The following TMEM68 variants were observed in gnomAD, a reference collection of about 807,000 sequenced individuals.
TMEM68 encodes the protein transmembrane protein 68, also known as DGAT1/2-independent enzyme synthesizing storage lipids.
TMEM68 carries 25 observed loss-of-function variants against 36.9 expected under a neutral mutation model. The ratio of observed to expected loss-of-function variants is 0.68; its 90% CI spans 0.49 to 0.95. TMEM68 has a LOEUF of 0.95. Ranked by LOEUF, TMEM68 falls within the 40% of genes least tolerant of loss-of-function variation. TMEM68 has a pLI of 0.00. For synonymous variants in TMEM68, 131 were observed against 124.4 expected, an observed-to-expected ratio of 1.05 and a Z score of -0.35; for missense variants, 333 against 392.0, an observed-to-expected ratio of 0.85 and a Z score of 1.27.
rs1460050393 is a variant in TMEM68 at position 55,772,143 on chromosome 8, C to G, written c.-115+1126G>C. Among the ~76,000 whole-genome samples, 3 of 152,162 alleles carry G rather than the reference C, an allele frequency of 2.0e-5. No individual in the cohort carries two copies. In the East Asian group the frequency reaches 5.8e-4, roughly 29 times the overall value. Reference sequence around the variant, plus strand: ...ACCTTCTTGAACCAACAAAATCAGCCTATCTCCGACCTCAAAGTAGGGCAG... The same window carrying G: ...ACCTTCTTGAACCAACAAAATCAGCGTATCTCCGACCTCAAAGTAGGGCAG... On this transcript the variant is annotated intron_variant, in intron 1 of 7. Transcript: ENST00000434581.
Position 55,751,005 on chromosome 8 carries a change from G to C in TMEM68, c.646C>G (p.His216Asp). Residue 216 changes from histidine (H) to aspartate (D), a missense_variant, in exon 5 of 8, where the codon CAT becomes GAT. Physicochemically the swap from His to Asp is moderately conservative, Grantham distance 81. Coordinates refer to ENST00000434581, the MANE Select transcript of TMEM68 (RefSeq NM_001286657.2). ...GCAACCTGAGCAAAGCCTCTGCGAT[G>C]ACCCCATACGATGTTATAAGTTTCA... ...SDETYNIVWG[H>D]RRGFAQVAID... 1 of 1,613,152 alleles carries C rather than the reference G, an allele frequency of 6.2e-7. No individual in the cohort carries two copies. The highest frequency in any genetic ancestry group is 1.3e-5 in the African/African-American group (1 of 74,942).
At chr8:55,772,539 T>A (rs1185420676) in intron 1 of TMEM68, among the ~76,000 whole-genome samples, 2 of 152,202 alleles carry the variant, frequency 1.3e-5, no homozygotes, top group East Asian at 3.8e-4. Flanking sequence ...AGACCTGTTT[T>A]ACAGGCTGCA....
intron 4 of TMEM68, among the ~76,000 whole-genome samples, chr8:55,755,274 T>C (rs1810568580): frequency 6.6e-6 from 1 of 151,694 alleles, no homozygotes; most frequent in South Asian, 2.1e-4. Flanking sequence ...ATATATCTTT[T>C]TTTTTTTTTT....
At position 55,739,717 on chromosome 8, in the gene TMEM68, A is replaced by C. The variant is rs1810040213; in HGVS notation, c.*415T>G. On this transcript the variant is annotated 3_prime_UTR_variant, in exon 8 of 8. Coordinates refer to ENST00000434581, the MANE Select transcript of TMEM68 (RefSeq NM_001286657.2). ...GTCATGAAGGGAATGAGGGGCAGAC[A>C]ACAGCATGTTTTTTCTAACTTAAAC... 1 of 155,176 alleles carries C rather than the reference A, an allele frequency of 6.4e-6. No individual in the cohort carries two copies. The highest frequency in any genetic ancestry group is 1.4e-5 in the Non-Finnish European group (1 of 70,144). The allele number at this position is 155,176 out of a possible 1,614,324, so 9.6% of individuals were successfully genotyped here.
At chr8:55,766,408 G>A (rs1229411101) in intron 1 of TMEM68, among the ~76,000 whole-genome samples, 1 of 145,224 alleles carries the variant, frequency 6.9e-6, no homozygotes, top group Non-Finnish European at 1.5e-5. Flanking sequence ...ATGGAGTCTG[G>A]CTCTGTTGCC....
chr8:55,761,169 A>G (rs1226246352), intron 3 of TMEM68: 2 of 152,250 alleles, frequency 1.3e-5, no homozygotes, highest in African/African-American at 4.8e-5. Context: ...CTCTTAGAGC[A>G]GATGTGATCA....
intron 1 of TMEM68, among the ~76,000 whole-genome samples, chr8:55,770,462 T>C (rs1811118488): frequency 6.6e-6 from 1 of 152,112 alleles, no homozygotes; most frequent in South Asian, 2.1e-4. Context: ...ACTGCTTGAG[T>C]TCAGGAGTTT....
At position 55,756,378 on chromosome 8, in the gene TMEM68, T is replaced by C; in HGVS notation, c.359A>G (p.Glu120Gly). Residue 120 changes from glutamate to glycine, a missense_variant, in exon 4 of 8, where the codon GAA (glutamate) becomes GGA (glycine). By Grantham distance (98) the Glu-to-Gly change is moderately conservative (BLOSUM62 -2). Transcript: ENST00000434581. ...YEVHGMEKIP[E>G]DGPALIIFYH... ...AAAAATTATAAGTGCTGGTCCATCT[T>C]CTGGTATTTTTTCCATTCCATGAAC... 5.0e-6 allele frequency: 8 copies of C among 1,586,448 alleles called. No individual in the cohort carries two copies. The highest frequency in any genetic ancestry group is 6.8e-6 in the Non-Finnish European group (8 of 1,171,722).
At chr8:55,746,289 A>G (rs979162744) in intron 5 of TMEM68, 1 of 130,140 alleles carries the variant, frequency 7.7e-6, no homozygotes, top group African/African-American at 2.9e-5. Flanking sequence ...GCACTCCAGT[A>G]AGGGCAATAG....
At chr8:55,747,480 A>G (rs139908962) in intron 5 of TMEM68, 1 of 152,356 alleles carries the variant, frequency 6.6e-6, no homozygotes, top group African/African-American at 2.4e-5. Context: ...TTATTTATAC[A>G]TATAAGTAAA....
chr8:55,760,090 C>T (rs1810736538), intron 3 of TMEM68, among the ~76,000 whole-genome samples: 2 of 152,246 alleles, frequency 1.3e-5, no homozygotes, highest in South Asian at 2.1e-4. Context: ...CCTCCCTTAG[C>T]TAACATTACC....
chr8:55,748,761 T>C (rs1024384561), intron 5 of TMEM68, among the ~76,000 whole-genome samples: 1 of 151,680 alleles, frequency 6.6e-6, no homozygotes, highest in Non-Finnish European at 1.5e-5. Flanking sequence ...CAGCTAATTT[T>C]TGTACTTTTA....
intron 3 of TMEM68, among the ~76,000 whole-genome samples, chr8:55,757,097 T>C (rs1375488405): frequency 6.6e-6 from 1 of 152,054 alleles, no homozygotes; most frequent in African/African-American, 2.4e-5. Context: ...TTGAAAACAT[T>C]AAAAATACTG....
At chr8:55,746,099 G>A (rs1810264718) in intron 5 of TMEM68, 1 of 27,796 alleles carries the variant, frequency 3.6e-5, no homozygotes, top group Non-Finnish European at 9.4e-5. Flanking sequence ...TGGATCACTT[G>A]AGCCCAGGAG....
Position 55,756,306 on chromosome 8 carries a change from A to G in TMEM68, c.431T>C (p.Ile144Thr). 6.2e-7 allele frequency: 1 copy of G among 1,607,870 alleles called. No individual in the cohort carries two copies. The highest frequency in any genetic ancestry group is 1.1e-5 in the South Asian group (1 of 88,672). ...PIDFYYFMAK[I>T]FIHKGRTCRV... is the part of the protein sequence containing the mutation. ...GCAAGTTCTGCCTTTGTGTATAAATATTTTAGCCATGAAATAGTAAAAATC... is the reference window on the plus strand; with the variant it reads ...GCAAGTTCTGCCTTTGTGTATAAATGTTTTAGCCATGAAATAGTAAAAATC... The change falls in exon 4 of 8, where the codon ATA (isoleucine) becomes ACA (threonine). Residue 144 changes from isoleucine (I) to threonine (T), a missense_variant. Physicochemically the swap from Ile to Thr is moderately conservative, Grantham distance 89 (BLOSUM62 -1). Transcript: ENST00000434581.
intron 3 of TMEM68, among the ~76,000 whole-genome samples, chr8:55,758,761 G>T (rs545464795): frequency 4.6e-5 from 7 of 152,166 alleles, no homozygotes; most frequent in Non-Finnish European, 1.0e-4. Context: ...AGCTATGATC[G>T]TGCCACTGCA....
At chr8:55,765,437 G>C (rs1184284456) in intron 1 of TMEM68, among the ~76,000 whole-genome samples, 1 of 152,158 alleles carries the variant, frequency 6.6e-6, no homozygotes, top group Non-Finnish European at 1.5e-5. Context: ...GCCTCCGTTT[G>C]CTAAAACCTA....
At chr8:55,772,935 G>A (rs974091589) in intron 1 of TMEM68, 1 of 152,318 alleles carries the variant, frequency 6.6e-6, no homozygotes, top group African/African-American at 2.4e-5. Context: ...GGCTAGAGAC[G>A]CCTCGCCCCA....
intron 3 of TMEM68, 120 bp downstream of exon 3, chr8:55,762,515 A>G: frequency 1.3e-6 from 2 of 1,513,506 alleles, no homozygotes; most frequent in East Asian, 2.3e-5. Flanking sequence ...AACAGGGAAT[A>G]GTAAATATCA....
Sources: allele counts gnomAD v4.1 joint callset (sites outside exome capture counted in the v4.1 genomes callset), GRCh38; gene constraint gnomAD v4.1.1; transcripts MANE v1.5; gene names NCBI Gene and HGNC (gene_info 2026-07-23, HGNC 2026-07-21).